The following SWT1 variants were observed in gnomAD, a reference collection of about 807,000 sequenced individuals.
SWT1 encodes transcriptional protein SWT1.
A neutral mutation model predicts 107.3 loss-of-function variants in SWT1; 33 were observed. That is an observed-to-expected ratio of 0.31 (90% CI 0.23 to 0.41). The LOEUF is 0.41. Ranked by LOEUF, SWT1 falls within the 10% of genes least tolerant of loss-of-function variation. SWT1 has a pLI of 1.00. For synonymous variants in SWT1, 345 were observed against 348.3 expected (o/e 0.99, Z 0.11); for missense variants, 898 against 1,028.9 (o/e 0.87, Z 1.74).
chr1:185,257,192 G>T (rs960970407), intron 16 of SWT1, among the ~76,000 whole-genome samples: 3 of 152,142 alleles, frequency 2.0e-5, no homozygotes, highest in Non-Finnish European at 2.9e-5. Flanking sequence ...AAAGCTGTCA[G>T]ACAGGGACAT....
At position 185,231,581 on chromosome 1, in the gene SWT1, G is replaced by A. The variant is rs763791185; in HGVS notation, c.2314G>A (p.Asp772Asn). The A allele has an allele frequency of 3.7e-6, 6 of 1,605,758 alleles. No homozygotes were observed. Among genetic ancestry groups the A allele is most frequent in the Middle Eastern group, 1.7e-4 (1 of 5,798 alleles). The change falls in exon 16 of 19, where the codon GAT becomes AAT. Residue 772 changes from aspartate (D) to asparagine (N), a missense_variant. Physicochemically the swap from Asp to Asn is conservative, Grantham distance 23 (BLOSUM62 1). This residue lies in a region of SWT1 where 382 missense variants were observed against 460.0 expected (regional missense o/e 0.83). Transcript: ENST00000367500. ...TCTTTTTTTTCTCTATTTTAGCACG[G>A]ATGTATTTCAAAGATTGGGCTCAAA... ...VWITIYQNST[D>N]VFQRLGSNSA...
chr1:185,268,482 C>T (rs545205448), intron 16 of SWT1, among the ~76,000 whole-genome samples: 4 of 152,260 alleles, frequency 2.6e-5, no homozygotes, highest in African/African-American at 9.6e-5. Context: ...CTTTCATGCC[C>T]TCTTTAGAAC....
intron 16 of SWT1, among the ~76,000 whole-genome samples, chr1:185,257,327 C>G (rs1330557872): frequency 6.6e-6 from 1 of 152,136 alleles, no homozygotes; most frequent in Non-Finnish European, 1.5e-5. Flanking sequence ...AGCTTCCTGG[C>G]TGCTTTGTTT....
chr1:185,276,966 ATTTGCTG>A (rs1422071818), intron 18 of SWT1, among the ~76,000 whole-genome samples: 3 of 152,118 alleles, frequency 2.0e-5, no homozygotes, highest in Non-Finnish European at 4.4e-5. Context: ...ATCTAGCTAT[ATTTGCTG>A]TATTAAAACT....
At chr1:185,167,925 C>G (rs1163501555) in intron 3 of SWT1, among the ~76,000 whole-genome samples, 1 of 152,164 alleles carries the variant, frequency 6.6e-6, no homozygotes, top group East Asian at 1.9e-4. Context: ...TTACTTACAT[C>G]ATTATAGTAG....
At chr1:185,202,988 CATT>C (rs1382238925) in intron 11 of SWT1, among the ~76,000 whole-genome samples, 189 bp downstream of exon 11, 1 of 152,008 alleles carries the variant, frequency 6.6e-6, no homozygotes, top group Non-Finnish European at 1.5e-5. Context: ...ACATAATTAA[CATT>C]ATTACCTTCT....
intron 15 of SWT1, chr1:185,227,134 C>T (rs1415210965): frequency 6.5e-6 from 8 of 1,227,858 alleles, no homozygotes; most frequent in Non-Finnish European, 9.5e-6. Flanking sequence ...GCATTAAATT[C>T]CTTGCTTTCA....
chr1:185,261,384 A>G (rs1364735751), intron 16 of SWT1, among the ~76,000 whole-genome samples: 1 of 152,028 alleles, frequency 6.6e-6, no homozygotes, highest in African/African-American at 2.4e-5. Context: ...TGTATACCAC[A>G]TTTTTCCCCA....
At chr1:185,246,623 C>CT (rs375322237) in intron 16 of SWT1, among the ~76,000 whole-genome samples, 7,532 of 96,422 alleles carry the variant, frequency 0.078, 1,191 homozygotes, top group African/African-American at 0.3. Flanking sequence ...TTTTGGAGAG[C>CT]TTTTTTTTTT....
chr1:185,204,438 A>G (rs563825590), intron 11 of SWT1, among the ~76,000 whole-genome samples: 50 of 152,278 alleles, frequency 3.3e-4, no homozygotes, highest in African/African-American at 1.2e-3. Flanking sequence ...CATTTCTTAC[A>G]TTTTTATTTG....
chr1:185,191,382 G>T (rs1656935103), intron 10 of SWT1, among the ~76,000 whole-genome samples: 1 of 152,024 alleles, frequency 6.6e-6, no homozygotes, highest in South Asian at 2.1e-4. Flanking sequence ...ATTTTAATTT[G>T]CAGTTTTTTT....
intron 5 of SWT1, among the ~76,000 whole-genome samples, chr1:185,178,526 C>T (rs1212551251): frequency 6.6e-6 from 1 of 152,100 alleles, no homozygotes; most frequent in Non-Finnish European, 1.5e-5. Flanking sequence ...GGCTTTATCC[C>T]AACCTATGTA....
intron 16 of SWT1, among the ~76,000 whole-genome samples, chr1:185,262,744 G>A (rs1322614567): frequency 6.6e-6 from 1 of 151,496 alleles, no homozygotes; most frequent in Non-Finnish European, 1.5e-5. Context: ...ATTGTTCTGT[G>A]CACATGTATC....
intron 10 of SWT1, among the ~76,000 whole-genome samples, chr1:185,199,663 G>C (rs919423226): frequency 6.6e-6 from 1 of 152,064 alleles, no homozygotes; most frequent in Admixed American, 6.6e-5. Flanking sequence ...TTTTCTCTCC[G>C]ACTGCCCTTA....
intron 16 of SWT1, among the ~76,000 whole-genome samples, chr1:185,253,764 T>C (rs1003863100): frequency 1.3e-5 from 2 of 151,794 alleles, no homozygotes; most frequent in African/African-American, 4.9e-5. Flanking sequence ...ATTGAATACC[T>C]TTTATTTCCT....
intron 16 of SWT1, among the ~76,000 whole-genome samples, chr1:185,270,722 T>A (rs1248902259): frequency 6.6e-6 from 1 of 152,200 alleles, no homozygotes; most frequent in Non-Finnish European, 1.5e-5. Flanking sequence ...AAAATAAATT[T>A]AAAAAGTTGT....
intron 14 of SWT1, among the ~76,000 whole-genome samples, chr1:185,221,075 AC>A: frequency 6.6e-6 from 1 of 151,626 alleles, no homozygotes; most frequent in South Asian, 2.1e-4. Flanking sequence ...ACACACACAC[AC>A]ACACACACTC....
At chr1:185,275,530 A>G (rs1664181452) in intron 17 of SWT1, among the ~76,000 whole-genome samples, 1 of 150,336 alleles carries the variant, frequency 6.7e-6, no homozygotes, top group South Asian at 2.1e-4. Context: ...AACTATATAT[A>G]TGTGTGTACA....
At chr1:185,183,481 C>T (rs1486099721) in intron 7 of SWT1, among the ~76,000 whole-genome samples, 1 of 152,048 alleles carries the variant, frequency 6.6e-6, no homozygotes. Flanking sequence ...TGGAGTTCCA[C>T]TGTGTTGGCC....
Sources: gnomAD v4.1 joint callset for allele counts (sites outside exome capture counted in the v4.1 genomes callset) on GRCh38, gnomAD v4.1.1 for gene constraint, gnomAD v4.1.1 regional missense constraint, MANE v1.5 for transcripts, NCBI Gene and HGNC (gene_info 2026-07-23, HGNC 2026-07-21) for gene names.